The following MBNL1 variants were observed in gnomAD, a reference collection of about 807,000 sequenced individuals.
MBNL1 encodes muscleblind-like protein 1.
A neutral mutation model predicts 42.2 loss-of-function variants in MBNL1; 8 were observed. The observed-to-expected ratio is 0.19, with a 90% CI of 0.11 to 0.34. MBNL1 has a LOEUF of 0.34. Among genes scored for constraint, MBNL1 ranks in the 10% least tolerant of loss-of-function variants. The pLI is 1.00. For synonymous variants in MBNL1, 169 were observed against 173.9 expected (o/e 0.97, Z 0.22); for missense variants, 309 against 495.3 (o/e 0.62, Z 3.57).
intron 2 of MBNL1, among the ~76,000 whole-genome samples, chr3:152,343,552 A>G (rs2093716739): frequency 6.6e-6 from 1 of 152,100 alleles, no homozygotes; most frequent in African/African-American, 2.4e-5. Context: ...AGATCCAGAA[A>G]CGGTACAGAA....
At chr3:152,396,245 A>C in intron 2 of MBNL1, 1 of 277,214 alleles carries the variant, frequency 3.6e-6, no homozygotes, top group South Asian at 3.5e-5. Context: ...TAATTATTTT[A>C]TTATATATTA....
intron 4 of MBNL1, among the ~76,000 whole-genome samples, chr3:152,441,060 C>T (rs950466993): frequency 1.2e-4 from 18 of 152,070 alleles, no homozygotes; most frequent in Non-Finnish European, 2.4e-4. Flanking sequence ...GCTTTCTGTT[C>T]CTGCTTTTGA....
intron 8 of MBNL1, among the ~76,000 whole-genome samples, chr3:152,456,846 C>A (rs1364557763): frequency 6.6e-6 from 1 of 152,176 alleles, no homozygotes; most frequent in African/African-American, 2.4e-5. Context: ...TCATTATAAT[C>A]TGAATCATTT....
At chr3:152,268,781 A>C (rs1378361856), upstream of MBNL1, 1 of 452,166 alleles carries the variant, frequency 2.2e-6, no homozygotes, top group Non-Finnish European at 4.4e-6. Flanking sequence ...CGGAAAGTTG[A>C]AGAGCGTTTT....
intron 2 of MBNL1, among the ~76,000 whole-genome samples, chr3:152,261,841 T>A (rs2036344499): frequency 6.6e-6 from 1 of 152,200 alleles, no homozygotes; most frequent in Non-Finnish European, 1.5e-5. Flanking sequence ...TTTCTGACTT[T>A]CTTTCTGCCA....
intron 4 of MBNL1, among the ~76,000 whole-genome samples, chr3:152,433,258 T>C (rs1179304550): frequency 1.3e-5 from 2 of 152,302 alleles, no homozygotes; most frequent in Admixed American, 1.3e-4. Context: ...AAATGCCTCC[T>C]GAATGTTTGT....
chr3:152,250,728 C>A (rs1484642796), intron 2 of MBNL1, among the ~76,000 whole-genome samples: 1 of 150,324 alleles, frequency 6.7e-6, no homozygotes, highest in Non-Finnish European at 1.5e-5. Context: ...CCAGTTTTTG[C>A]CCATTCAGTA....
chr3:152,311,657 G>A (rs2066558981), intron 2 of MBNL1, among the ~76,000 whole-genome samples: 2 of 151,626 alleles, frequency 1.3e-5, no homozygotes, highest in South Asian at 4.1e-4. Flanking sequence ...TTTTTTTCAT[G>A]TGAATACATT....
intron 1 of MBNL1, among the ~76,000 whole-genome samples, chr3:152,287,116 G>A (rs2052951292): frequency 6.6e-6 from 1 of 151,878 alleles, no homozygotes; most frequent in Non-Finnish European, 1.5e-5. Context: ...TACTCAGGAG[G>A]CTGAGGCAGG....
At chr3:152,406,949 A>G (rs1026781881) in intron 2 of MBNL1, among the ~76,000 whole-genome samples, 14 of 152,094 alleles carry the variant, frequency 9.2e-5, no homozygotes, top group African/African-American at 2.7e-4. Context: ...CTTTCAGGCC[A>G]TGGTAAAGTT....
At position 152,319,907 on chromosome 3, in the gene MBNL1, T is replaced by G. The variant is rs1390097783; in HGVS notation, c.174+19540T>G. On this transcript the variant is annotated intron_variant, in intron 2 of 9. Transcript: ENST00000324210. ...TACTCCTGGGTCCCTCATTGTACAG[T>G]GATCATCAAATGCAACATCCTTCAT... Among the ~76,000 whole-genome samples the G allele has an allele frequency of 2.0e-5, 3 of 152,090 alleles. No homozygotes were observed. The South Asian group carries it at 6.2e-4, about 31-fold the overall frequency.
chr3:152,311,850 C>T (rs1164279921), intron 2 of MBNL1, among the ~76,000 whole-genome samples: 3 of 151,352 alleles, frequency 2.0e-5, no homozygotes, highest in Non-Finnish European at 2.9e-5. Context: ...AATTTCTGGG[C>T]ATACTGGGTA....
At chr3:152,419,827 C>T (rs1348195173) in intron 3 of MBNL1, among the ~76,000 whole-genome samples, 1 of 152,108 alleles carries the variant, frequency 6.6e-6, no homozygotes, top group Non-Finnish European at 1.5e-5. Context: ...CAGCGGACCC[C>T]ACCCCCATGG....
chr3:152,320,938 T>A (rs764548668), intron 2 of MBNL1, among the ~76,000 whole-genome samples: 3 of 152,076 alleles, frequency 2.0e-5, no homozygotes, highest in Non-Finnish European at 2.9e-5. Flanking sequence ...CTGTGAATAC[T>A]TTATAGTGTT....
chr3:152,324,620 G>T (rs1274498157), intron 2 of MBNL1, among the ~76,000 whole-genome samples: 1 of 152,158 alleles, frequency 6.6e-6, no homozygotes, highest in African/African-American at 2.4e-5. Flanking sequence ...ACTGTTTATA[G>T]TGTTCTTTTT....
At chr3:152,340,000 C>T (rs1267456105) in intron 2 of MBNL1, 1 of 152,186 alleles carries the variant, frequency 6.6e-6, no homozygotes, top group Non-Finnish European at 1.5e-5. Flanking sequence ...GAGATTTTAC[C>T]TATAGACACA....
chr3:152,253,849 AACCCCATCACTCTGTC>A (rs2035047550), intron 2 of MBNL1, among the ~76,000 whole-genome samples: 1 of 152,130 alleles, frequency 6.6e-6, no homozygotes, highest in Non-Finnish European at 1.5e-5. Flanking sequence ...TAGTATTCCC[AACCCCATCACTCTGTC>A]ATTTTACCCC....
rs543397448 is a variant in MBNL1, at chr3:152,299,733, G to C, written c.-461G>C. The C allele has an allele frequency of 2.5e-6, 1 of 399,418 alleles. No homozygotes were observed. The highest frequency in any genetic ancestry group is 4.4e-6 in the Non-Finnish European group (1 of 226,824). 24.7% of individuals were successfully genotyped at this position (399,418 alleles called of 1,614,324 possible). On this transcript the variant is annotated 5_prime_UTR_variant, in exon 2 of 10. Transcript: ENST00000324210. ...TGTCTATGCCAAACTAATCAATACCGATTGCACCACCAAACTCCATTGCAA... is the reference window on the plus strand; with the variant it reads ...TGTCTATGCCAAACTAATCAATACCCATTGCACCACCAAACTCCATTGCAA...
intron 1 of MBNL1, among the ~76,000 whole-genome samples, chr3:152,295,306 G>A (rs563432006): frequency 6.6e-6 from 1 of 152,042 alleles, no homozygotes; most frequent in African/African-American, 2.4e-5. Context: ...CTGTAACCTG[G>A]CAAAAAGGAA....
Sources: gnomAD v4.1 joint callset for allele counts (sites outside exome capture counted in the v4.1 genomes callset) on GRCh38, gnomAD v4.1.1 for gene constraint, MANE v1.5 for transcripts, NCBI Gene and HGNC (gene_info 2026-07-23, HGNC 2026-07-21) for gene names.